The following RPH3A variants were observed in gnomAD, a reference collection of about 807,000 sequenced individuals.
The protein encoded by RPH3A is rabphilin-3A.
Under a neutral mutation model 102.2 loss-of-function variants are expected in RPH3A, and 48 were observed. The observed-to-expected ratio is 0.47, with a 90% CI of 0.37 to 0.60. The LOEUF (loss-of-function observed/expected upper bound fraction) is 0.60, where lower values mean the gene tolerates loss of function less well. Among genes scored for constraint, RPH3A ranks in the 20% least tolerant of loss-of-function variants. RPH3A has a pLI of 0.00. For synonymous variants in RPH3A, 310 were observed against 324.3 expected (o/e 0.96, Z 0.47); for missense variants, 781 against 910.1 (o/e 0.86, Z 1.83).
At chr12:112,723,298 A>T (rs2136043516) in intron 1 of RPH3A, among the ~76,000 whole-genome samples, 1 of 152,364 alleles carries the variant, frequency 6.6e-6, no homozygotes. Context: ...TTTGTATATG[A>T]TATGTATTGT....
At chr12:112,712,879 TTTC>T (rs374301306) in intron 1 of RPH3A, among the ~76,000 whole-genome samples, 3,678 of 136,742 alleles carry the variant, frequency 0.027, 202 homozygotes, top group African/African-American at 0.1. Flanking sequence ...CTCACTTTTT[TTTC>T]TTCTTCTTCT....
intron 1 of RPH3A, among the ~76,000 whole-genome samples, chr12:112,699,058 C>T (rs370310963): frequency 2.0e-5 from 3 of 151,940 alleles, no homozygotes; most frequent in African/African-American, 2.4e-5. Flanking sequence ...GTAGCTGGGA[C>T]GACAGGCATG....
chr12:112,737,174 T>TA (rs1200168212), intron 1 of RPH3A, among the ~76,000 whole-genome samples: 123 of 131,080 alleles, frequency 9.4e-4, no homozygotes, highest in South Asian at 6.1e-3. Context: ...AAAAACAAAA[T>TA]AAAAAAAAAA....
chr12:112,684,826 T>C (rs2040251823), intron 1 of RPH3A, among the ~76,000 whole-genome samples: 1 of 152,204 alleles, frequency 6.6e-6, no homozygotes. Context: ...AATTTATTGC[T>C]CACAGGTCTG....
intron 1 of RPH3A, among the ~76,000 whole-genome samples, chr12:112,581,307 C>A (rs2039399115): frequency 6.6e-6 from 1 of 152,024 alleles, no homozygotes; most frequent in Non-Finnish European, 1.5e-5. Flanking sequence ...GAGGGAACTC[C>A]CCTTTATAAA....
chr12:112,804,515 G>A (rs574272221), intron 2 of RPH3A, among the ~76,000 whole-genome samples: 1 of 152,218 alleles, frequency 6.6e-6, no homozygotes, highest in African/African-American at 2.4e-5. Context: ...CCCATCCATT[G>A]GTTGGTTGAA....
chr12:112,580,653 G>C (rs1340731668), intron 1 of RPH3A, among the ~76,000 whole-genome samples: 1 of 151,960 alleles, frequency 6.6e-6, no homozygotes, highest in African/African-American at 2.4e-5. Context: ...TGATCCGCCC[G>C]CCTCGGCCTC....
intron 1 of RPH3A, among the ~76,000 whole-genome samples, chr12:112,621,549 A>G (rs1254051673): frequency 6.8e-6 from 1 of 146,698 alleles, no homozygotes; most frequent in Admixed American, 6.7e-5. Context: ...CCTGGCTCGG[A>G]GGGTCCTACG....
At chr12:112,608,237 T>C (rs2039613382) in intron 1 of RPH3A, among the ~76,000 whole-genome samples, 1 of 151,898 alleles carries the variant, frequency 6.6e-6, no homozygotes, top group Non-Finnish European at 1.5e-5. Context: ...AGCCTCAGCC[T>C]CCCGAGTAGC....
At chr12:112,892,149 G>A (rs1273603702) in intron 19 of RPH3A, among the ~76,000 whole-genome samples, 1 of 152,204 alleles carries the variant, frequency 6.6e-6, no homozygotes, top group Non-Finnish European at 1.5e-5. Context: ...TGTGGATGTG[G>A]ATCTCCATGG....
chr12:112,661,370 C>G (rs994299789), intron 1 of RPH3A, among the ~76,000 whole-genome samples: 1 of 152,120 alleles, frequency 6.6e-6, no homozygotes, highest in Non-Finnish European at 1.5e-5. Context: ...ACTCCCTAAG[C>G]CTTAGTTTTT....
At chr12:112,737,432 G>A (rs1381307361) in intron 1 of RPH3A, among the ~76,000 whole-genome samples, 1 of 152,104 alleles carries the variant, frequency 6.6e-6, no homozygotes, top group East Asian at 1.9e-4. Context: ...AAGACTCTAT[G>A]AGTCTATCAC....
intron 1 of RPH3A, among the ~76,000 whole-genome samples, chr12:112,708,924 C>T (rs868361075): frequency 2.0e-5 from 3 of 152,072 alleles, no homozygotes; most frequent in Admixed American, 1.3e-4. Flanking sequence ...AACTCTATCA[C>T]AGATTTGATT....
chr12:112,825,408 T>C (rs2041849938), intron 2 of RPH3A, among the ~76,000 whole-genome samples: 1 of 152,088 alleles, frequency 6.6e-6, no homozygotes, highest in Non-Finnish European at 1.5e-5. Context: ...TGTGTTCACC[T>C]CCCAAGTTAT....
At chr12:112,717,248 G>A (rs917356995) in intron 1 of RPH3A, among the ~76,000 whole-genome samples, 3 of 151,982 alleles carry the variant, frequency 2.0e-5, no homozygotes, top group Non-Finnish European at 2.9e-5. Context: ...GCATAGTGAC[G>A]TAACCACTAC....
chr12:112,828,483 C>G, intron 3 of RPH3A, 94 bp downstream of exon 3: 1 of 908,552 alleles, frequency 1.1e-6, no homozygotes, highest in Non-Finnish European at 1.7e-6. Flanking sequence ...AGCTTCCTTC[C>G]CTGAGGAAGG....
intron 1 of RPH3A, among the ~76,000 whole-genome samples, chr12:112,731,683 T>C (rs1303672234): frequency 2.0e-5 from 3 of 152,232 alleles, no homozygotes; most frequent in Non-Finnish European, 4.4e-5. Context: ...ATTTAGCAGT[T>C]TCAGATACTA....
intron 1 of RPH3A, among the ~76,000 whole-genome samples, chr12:112,676,632 T>C (rs1427969601): frequency 6.6e-6 from 1 of 152,168 alleles, no homozygotes; most frequent in Admixed American, 6.5e-5. Flanking sequence ...GGAGGAAACC[T>C]GAAGAGGTGG....
chr12:112,597,299 G>T (rs553274912), intron 1 of RPH3A, among the ~76,000 whole-genome samples: 38 of 152,278 alleles, frequency 2.5e-4, no homozygotes, highest in African/African-American at 8.4e-4. Context: ...TCTATTAAAA[G>T]AGGCCAGTTG....
Sources: gnomAD v4.1 joint callset for allele counts (sites outside exome capture counted in the v4.1 genomes callset) on GRCh38, gnomAD v4.1.1 for gene constraint, MANE v1.5 for transcripts, NCBI Gene and HGNC (gene_info 2026-07-23, HGNC 2026-07-21) for gene names.